The following USH2A variants were observed in gnomAD, a reference collection of about 807,000 sequenced individuals.
USH2A encodes usherin.
A neutral mutation model predicts 538.9 loss-of-function variants in USH2A; 443 were observed. The ratio of observed to expected loss-of-function variants is 0.82; its 90% CI spans 0.76 to 0.89. The LOEUF is 0.89. USH2A is among the 40% of genes least tolerant of loss of function. The pLI, the probability that USH2A is intolerant of heterozygous loss-of-function variation, is 0.00. For synonymous variants in USH2A, 2,413 were observed against 2,273.5 expected, an observed-to-expected ratio of 1.06 and a Z score of -1.75; for missense variants, 6,633 against 6,324.8, an observed-to-expected ratio of 1.05 and a Z score of -1.65.
chr1:216,079,986 C>T (rs1019087259), intron 26 of USH2A: 1 of 151,962 alleles, frequency 6.6e-6, no homozygotes, highest in Non-Finnish European at 1.5e-5. Flanking sequence ...GCCATCATCA[C>T]GTTATGAAAA....
intron 4 of USH2A, among the ~76,000 whole-genome samples, chr1:216,347,511 G>A (rs1417089656): frequency 6.6e-6 from 1 of 151,994 alleles, no homozygotes. Flanking sequence ...GGCATATTCA[G>A]GTTATTTGGT....
At chr1:215,900,955 A>G in intron 38 of USH2A, 50 bp from the exon 39 acceptor site, 3 of 1,610,836 alleles carry the variant, frequency 1.9e-6, no homozygotes, top group South Asian at 1.1e-5. Context: ...TGGAGAACAT[A>G]TGCTGGATGG....
At chr1:215,839,187 C>T (rs17025486) in intron 46 of USH2A, among the ~76,000 whole-genome samples, 7,138 of 151,998 alleles carry the variant, frequency 0.047, 268 homozygotes, top group South Asian at 0.14. Context: ...TGAGCATGTC[C>T]AATTAAATCT....
chr1:216,407,318 A>G (rs11801998), intron 3 of USH2A, among the ~76,000 whole-genome samples: 12,075 of 152,164 alleles, frequency 0.079, 1,261 homozygotes, highest in African/African-American at 0.24. Flanking sequence ...ACATATTTGT[A>G]AATACTAATA....
At chr1:215,896,259 T>C (rs1220306311) in intron 40 of USH2A, among the ~76,000 whole-genome samples, 1 of 151,954 alleles carries the variant, frequency 6.6e-6, no homozygotes, top group African/African-American at 2.4e-5. Context: ...TTTTTAAATA[T>C]ATGACAACTA....
At chr1:215,762,461 G>A (rs559230592) in intron 56 of USH2A, among the ~76,000 whole-genome samples, 1 of 152,224 alleles carries the variant, frequency 6.6e-6, no homozygotes, top group Admixed American at 6.5e-5. Flanking sequence ...TTAGGTAAAA[G>A]TTGAGTTTAT....
intron 3 of USH2A, among the ~76,000 whole-genome samples, chr1:216,373,950 G>A (rs2038764978): frequency 6.6e-6 from 1 of 151,986 alleles, no homozygotes. Context: ...CATGTCCTTT[G>A]TAGGAACGTG....
At chr1:216,090,513 C>T (rs1280934801) in intron 22 of USH2A, among the ~76,000 whole-genome samples, 1 of 150,424 alleles carries the variant, frequency 6.6e-6, no homozygotes, top group Non-Finnish European at 1.5e-5. Context: ...CCAACTTTTA[C>T]AGACAACTCC....
At chr1:215,722,935 C>A (rs1455561614) in intron 61 of USH2A, among the ~76,000 whole-genome samples, 1 of 152,152 alleles carries the variant, frequency 6.6e-6, no homozygotes, top group Non-Finnish European at 1.5e-5. Flanking sequence ...TGAGAAAAAG[C>A]AAACAAACCC....
intron 49 of USH2A, among the ~76,000 whole-genome samples, chr1:215,809,115 G>T (rs1409808217): frequency 1.3e-5 from 2 of 152,256 alleles, no homozygotes; most frequent in South Asian, 2.1e-4. Flanking sequence ...AAACAGTAAA[G>T]TTACTGTATT....
chr1:215,699,369 G>A (rs1057031752), intron 61 of USH2A, among the ~76,000 whole-genome samples: 2 of 152,156 alleles, frequency 1.3e-5, no homozygotes. Flanking sequence ...GTCAATGGTA[G>A]CTTGATGGGG....
chr1:216,083,373 A>T, intron 26 of USH2A, 83 bp downstream of exon 26: 1 of 1,441,328 alleles, frequency 6.9e-7, no homozygotes. Context: ...ACCCCAATTA[A>T]GTGTAATGCC....
chr1:215,840,223 T>A (rs1347034717), intron 46 of USH2A, among the ~76,000 whole-genome samples: 1 of 145,862 alleles, frequency 6.9e-6, no homozygotes, highest in Non-Finnish European at 1.5e-5. Context: ...TTATGTGCTT[T>A]AAAATCAATA....
intron 63 of USH2A, among the ~76,000 whole-genome samples, chr1:215,673,121 T>C (rs957686918): frequency 1.3e-5 from 2 of 152,198 alleles, no homozygotes; most frequent in African/African-American, 4.8e-5. Context: ...AGCATGTGGA[T>C]TAGCTGCAGA....
intron 4 of USH2A, among the ~76,000 whole-genome samples, chr1:216,330,569 G>C (rs1049446514): frequency 1.3e-5 from 2 of 151,862 alleles, no homozygotes; most frequent in Non-Finnish European, 1.5e-5. Context: ...CAGAATAAAA[G>C]GGGGGAGGTT....
At chr1:216,412,865 A>C (rs1181539351) in intron 3 of USH2A, among the ~76,000 whole-genome samples, 1 of 152,022 alleles carries the variant, frequency 6.6e-6, no homozygotes, top group Non-Finnish European at 1.5e-5. Context: ...CTAATTTTTT[A>C]AAATCTCTGT....
rs755053376 is a variant in USH2A at position 216,217,368 on chromosome 1, T to G, written c.3157+19A>C. 6 of 1,612,410 alleles carry G rather than the reference T, an allele frequency of 3.7e-6. No homozygotes were observed. The Admixed American group carries it at 5.0e-5, about 13-fold the overall frequency. The stretch of plus-strand genomic sequence containing the variant: ...ATGATGCTGCTTCACACACCAGCAC[T>G]GAACCAGAGTTCACTTACTTTTGCT... On this transcript the variant is annotated intron_variant, in intron 15 of 71. Transcript: ENST00000307340.
At chr1:216,029,418 C>T (rs1232515543) in intron 32 of USH2A, among the ~76,000 whole-genome samples, 1 of 151,928 alleles carries the variant, frequency 6.6e-6, no homozygotes, top group Non-Finnish European at 1.5e-5. Flanking sequence ...TAGTTATTAG[C>T]CATAACTTGT....
chr1:215,762,960 C>A (rs980717043), intron 56 of USH2A, among the ~76,000 whole-genome samples: 16 of 152,114 alleles, frequency 1.1e-4, no homozygotes, highest in African/African-American at 3.9e-4. Context: ...AGTTGCATGC[C>A]ATATTACCCA....
Sources: allele counts gnomAD v4.1 joint callset (sites outside exome capture counted in the v4.1 genomes callset), GRCh38; gene constraint gnomAD v4.1.1; transcripts MANE v1.5; gene names NCBI Gene and HGNC (gene_info 2026-07-23, HGNC 2026-07-21).